TOX: variants seen among roughly 807,000 people sequenced by gnomAD.
TOX encodes the protein thymocyte selection-associated high mobility group box protein TOX.
TOX carries 11 observed loss-of-function variants against 53.7 expected under a neutral mutation model. The observed-to-expected ratio is 0.20, with a 90% CI of 0.13 to 0.34. The LOEUF (loss-of-function observed/expected upper bound fraction) is 0.34, where lower values mean the gene tolerates loss of function less well. TOX is among the 10% of genes least tolerant of loss of function. TOX has a pLI of 1.00. For synonymous variants in TOX, 225 were observed against 245.3 expected, an observed-to-expected ratio of 0.92 and a Z score of 0.77; for missense variants, 570 against 664.6, an observed-to-expected ratio of 0.86 and a Z score of 1.56.
At chr8:59,083,187 A>G (rs932225815) in intron 1 of TOX, among the ~76,000 whole-genome samples, 4 of 152,240 alleles carry the variant, frequency 2.6e-5, no homozygotes, top group African/African-American at 9.6e-5. Flanking sequence ...AAAAAGAGAA[A>G]GTGGAAGGAG....
intron 1 of TOX, among the ~76,000 whole-genome samples, chr8:59,109,624 C>G (rs557166668): frequency 6.6e-6 from 1 of 152,186 alleles, no homozygotes; most frequent in East Asian, 1.9e-4. Flanking sequence ...TTATTAACCA[C>G]TAGACATGAT....
At chr8:58,897,007 T>C (rs1160737490) in intron 3 of TOX, among the ~76,000 whole-genome samples, 3 of 152,260 alleles carry the variant, frequency 2.0e-5, no homozygotes, top group African/African-American at 7.2e-5. Flanking sequence ...TCCTAGACTA[T>C]AGCTCTGAGT....
intron 1 of TOX, among the ~76,000 whole-genome samples, chr8:59,008,593 T>C (rs1233873630): frequency 6.7e-6 from 1 of 150,156 alleles, no homozygotes; most frequent in African/African-American, 2.5e-5. Context: ...CTCCCCCCCA[T>C]GACTCCCCCC....
chr8:58,939,742 C>T (rs993637470), intron 2 of TOX, among the ~76,000 whole-genome samples, 198 bp from the exon 3 acceptor site: 6 of 152,180 alleles, frequency 3.9e-5, no homozygotes, highest in Non-Finnish European at 8.8e-5. Flanking sequence ...ATCCACTTCT[C>T]GTATAAAGAC....
At chr8:58,931,732 G>C (rs10088038) in intron 3 of TOX, among the ~76,000 whole-genome samples, 1,985 of 152,260 alleles carry the variant, frequency 0.013, 58 homozygotes, top group African/African-American at 0.046. Flanking sequence ...ACTGGATTAA[G>C]TAGGTCCCAG....
chr8:58,827,080 A>C (rs1280249265), intron 5 of TOX, among the ~76,000 whole-genome samples, 178 bp from the exon 6 acceptor site: 1 of 152,074 alleles, frequency 6.6e-6, no homozygotes, highest in African/African-American at 2.4e-5. Flanking sequence ...AAGTATGGCA[A>C]TAGACTAGAA....
In TOX at chr8:58,968,882, T is replaced by C. The variant is rs1056057168; in HGVS notation, c.103-8874A>G. ...TGTATTAAAAAGAACAACAGAGAAG[T>C]TGTATTTAGGTGACCACTGAGTGGG... On this transcript the variant is annotated intron_variant, in intron 1 of 8. Coordinates refer to ENST00000361421, the MANE Select transcript of TOX (RefSeq NM_014729.3). Among the ~76,000 whole-genome samples the C allele has an allele frequency of 2.0e-5, 3 of 152,084 alleles. No homozygotes were observed. The East Asian group carries it at 5.8e-4, about 29-fold the overall frequency.
At chr8:59,042,484 T>C (rs761954082) in intron 1 of TOX, among the ~76,000 whole-genome samples, 2 of 152,240 alleles carry the variant, frequency 1.3e-5, no homozygotes, top group Non-Finnish European at 2.9e-5. Flanking sequence ...AATAATTTAC[T>C]TCTTTATAGG....
chr8:59,003,787 T>C (rs1319255084), intron 1 of TOX, among the ~76,000 whole-genome samples: 1 of 152,210 alleles, frequency 6.6e-6, no homozygotes, highest in Non-Finnish European at 1.5e-5. Context: ...ATCTTAGACT[T>C]TGGACAGCTA....
Position 58,961,918 on chromosome 8 carries a change from C to T in TOX, c.103-1910G>A, listed in dbSNP as rs77718160. 3.5e-3 allele frequency among the ~76,000 whole-genome samples: 537 copies of T among 152,330 alleles called. 1 individual carries two copies. Among genetic ancestry groups the T allele is most frequent in the Non-Finnish European group, 5.8e-3 (394 of 68,040 alleles). The stretch of plus-strand genomic sequence containing the variant: ...GCCTCACTGTGCATTTCTTCATCTC[C>T]ACCCACTGTTGGAGTACACTGGTTT... On this transcript the variant is annotated intron_variant, in intron 1 of 8. Transcript: ENST00000361421.
rs772129387 is a variant in TOX at position 58,838,327 on chromosome 8, A to C, written c.694-16T>G. On this transcript the variant is annotated splice_polypyrimidine_tract_variant and intron_variant, in intron 4 of 8. Transcript: ENST00000361421. ...CACCATTGATCTGAAAGAGAAATCA[A>C]AATAGAATTATAGGGGGACTGAGAC... is the stretch of plus-strand genomic sequence containing the variant. 1.2e-6 allele frequency: 2 copies of C among 1,604,336 alleles called. No homozygotes were observed. The highest frequency in any genetic ancestry group is 3.4e-5 in the Admixed American group (2 of 59,566).
intron 1 of TOX, among the ~76,000 whole-genome samples, chr8:58,968,216 T>C (rs567412563): frequency 2.4e-4 from 37 of 152,322 alleles, no homozygotes; most frequent in African/African-American, 8.9e-4. Flanking sequence ...TATAAAACCA[T>C]TCTGGTGAAT....
chr8:58,995,405 G>A (rs1323379113), intron 1 of TOX, among the ~76,000 whole-genome samples: 1 of 152,176 alleles, frequency 6.6e-6, no homozygotes, highest in Non-Finnish European at 1.5e-5. Context: ...TCTTAAGAGA[G>A]CAAACTGCAA....
chr8:58,911,543 A>G (rs985988308), intron 3 of TOX, among the ~76,000 whole-genome samples: 1 of 152,192 alleles, frequency 6.6e-6, no homozygotes, highest in Non-Finnish European at 1.5e-5. Flanking sequence ...AAAGTATTCT[A>G]TCTTACATAG....
intron 1 of TOX, among the ~76,000 whole-genome samples, chr8:59,091,876 C>G (rs1265234075): frequency 6.6e-6 from 1 of 152,132 alleles, no homozygotes; most frequent in African/African-American, 2.4e-5. Context: ...GGTTTTCAAA[C>G]TTCTTCTAAG....
At chr8:59,096,178 T>A (rs971287047) in intron 1 of TOX, among the ~76,000 whole-genome samples, 1 of 152,242 alleles carries the variant, frequency 6.6e-6, no homozygotes, top group African/African-American at 2.4e-5. Flanking sequence ...TACACTTTTA[T>A]TATCACCTGA....
intron 3 of TOX, among the ~76,000 whole-genome samples, chr8:58,936,819 G>A (rs1812352762): frequency 6.6e-6 from 1 of 152,168 alleles, no homozygotes; most frequent in Non-Finnish European, 1.5e-5. Context: ...CTTAATGCTA[G>A]AATCAACATC....
chr8:59,070,741 A>C (rs1044176984), intron 1 of TOX, among the ~76,000 whole-genome samples: 1 of 152,172 alleles, frequency 6.6e-6, no homozygotes, highest in Admixed American at 6.5e-5. Context: ...GTATTTGTTC[A>C]TTTAGTGACC....
chr8:59,006,369 C>G (rs1312262866), intron 1 of TOX, among the ~76,000 whole-genome samples: 1 of 152,022 alleles, frequency 6.6e-6, no homozygotes, highest in Non-Finnish European at 1.5e-5. Flanking sequence ...TAATGCTATG[C>G]CTTGATAGGT....
Sources: allele counts gnomAD v4.1 joint callset (sites outside exome capture counted in the v4.1 genomes callset), GRCh38; gene constraint gnomAD v4.1.1; transcripts MANE v1.5; gene names NCBI Gene and HGNC (gene_info 2026-07-23, HGNC 2026-07-21).